TMEM117: variants seen among roughly 807,000 people sequenced by gnomAD.
The protein encoded by TMEM117 is transmembrane protein 117.
In TMEM117, 27 loss-of-function variants were observed where a neutral mutation model predicts 52.4. The ratio of observed to expected loss-of-function variants is 0.51; its 90% CI spans 0.38 to 0.71. The LOEUF (loss-of-function observed/expected upper bound fraction) is 0.71, where lower values mean the gene tolerates loss of function less well. TMEM117 is among the 30% of genes least tolerant of loss of function. TMEM117 has a pLI of 0.00. For missense variants in TMEM117, 556 were observed against 630.5 expected (o/e 0.88, Z 1.26); for synonymous variants, 215 against 206.3 (o/e 1.04, Z -0.36).
At chr12:43,942,901 G>A (rs1945067102) in intron 2 of TMEM117, among the ~76,000 whole-genome samples, 1 of 151,986 alleles carries the variant, frequency 6.6e-6, no homozygotes, top group African/African-American at 2.4e-5. Flanking sequence ...ATTTTAGGAT[G>A]GGCGTGGTGG....
chr12:44,385,944 G>C (rs1952082259), intron 7 of TMEM117, among the ~76,000 whole-genome samples: 1 of 151,558 alleles, frequency 6.6e-6, no homozygotes, highest in Non-Finnish European at 1.5e-5. Context: ...TATATATGCT[G>C]TTCTATCTAC....
At chr12:44,376,784 G>T in intron 7 of TMEM117, 60 bp downstream of exon 7, 1 of 1,509,932 alleles carries the variant, frequency 6.6e-7, no homozygotes, top group Non-Finnish European at 8.9e-7. Context: ...GGTAATGCTA[G>T]TTGCTGTAAA....
At chr12:44,343,209 T>C (rs549588547) in intron 6 of TMEM117, among the ~76,000 whole-genome samples, 5 of 152,140 alleles carry the variant, frequency 3.3e-5, no homozygotes, top group African/African-American at 1.2e-4. Context: ...CACCTTGGCC[T>C]CCCAAAGTGC....
chr12:43,963,676 G>A (rs1196006562), intron 3 of TMEM117, among the ~76,000 whole-genome samples: 4 of 152,174 alleles, frequency 2.6e-5, no homozygotes, highest in Non-Finnish European at 5.9e-5. Flanking sequence ...GCTTACAAAG[G>A]CAAGGTAAGA....
chr12:43,857,685 G>A (rs1284392132), intron 2 of TMEM117, among the ~76,000 whole-genome samples: 1 of 152,230 alleles, frequency 6.6e-6, no homozygotes, highest in Non-Finnish European at 1.5e-5. Context: ...AGTCCTGGCT[G>A]AGTAGAGTAC....
intron 3 of TMEM117, among the ~76,000 whole-genome samples, chr12:43,956,369 G>A (rs1945305546): frequency 6.6e-6 from 1 of 152,078 alleles, no homozygotes; most frequent in African/African-American, 2.4e-5. Flanking sequence ...TATGGAATGG[G>A]AGAAAATCTT....
chr12:43,806,092 C>G, the TMEM117 span: 1 of 1,519,684 alleles, frequency 6.6e-7, no homozygotes, highest in Non-Finnish European at 8.8e-7. Flanking sequence ...CGCCGAGGCC[C>G]GGCTCGCCCC....
chr12:44,292,344 T>G (rs1950715560), intron 5 of TMEM117, among the ~76,000 whole-genome samples: 1 of 152,002 alleles, frequency 6.6e-6, no homozygotes. Flanking sequence ...GTCCCTTCTT[T>G]TTTTCTTGGT....
At chr12:44,347,232 A>C (rs1951500369) in intron 6 of TMEM117, among the ~76,000 whole-genome samples, 1 of 152,088 alleles carries the variant, frequency 6.6e-6, no homozygotes, top group African/African-American at 2.4e-5. Flanking sequence ...CACAGGTAAC[A>C]GATTCTGGAA....
In TMEM117 at chr12:44,082,210, A is replaced by G. The variant is rs74342055; in HGVS notation, c.411-61315A>G. 2.3e-3 allele frequency among the ~76,000 whole-genome samples: 357 copies of G among 152,048 alleles called. 10 individuals carry two copies. The East Asian group carries it at 0.035, about 15-fold the overall frequency. On this transcript the variant is annotated intron_variant, in intron 3 of 7. Transcript: ENST00000266534. ...CATGTTATTTATAAGCATGAAATCT[A>G]TGGGCGTGTAGAAATTTTCAGTATG...
chr12:44,379,183 GAAGA>G (rs945032119), intron 7 of TMEM117, among the ~76,000 whole-genome samples: 3 of 151,282 alleles, frequency 2.0e-5, no homozygotes, highest in African/African-American at 7.3e-5. Flanking sequence ...GGGAAGGAAG[GAAGA>G]AAGGAAGGAA....
At chr12:43,896,516 G>A (rs1043882544) in intron 2 of TMEM117, among the ~76,000 whole-genome samples, 4 of 152,174 alleles carry the variant, frequency 2.6e-5, no homozygotes, top group Admixed American at 6.5e-5. Flanking sequence ...TTGGGAAGAC[G>A]CAACATTTGA....
At chr12:44,231,121 C>T (rs1949927203) in intron 5 of TMEM117, among the ~76,000 whole-genome samples, 1 of 151,910 alleles carries the variant, frequency 6.6e-6, no homozygotes, top group Non-Finnish European at 1.5e-5. Context: ...CTTTCTTCCA[C>T]TCCAAGGACT....
the TMEM117 span, among the ~76,000 whole-genome samples, chr12:43,819,225 G>T: frequency 1.3e-5 from 2 of 152,110 alleles, no homozygotes; most frequent in Non-Finnish European, 1.5e-5. Context: ...ATTCTTACTT[G>T]CTTTCTTGCT....
chr12:44,266,514 C>A (rs1009039523), intron 5 of TMEM117, among the ~76,000 whole-genome samples: 1 of 152,156 alleles, frequency 6.6e-6, no homozygotes, highest in East Asian at 1.9e-4. Flanking sequence ...ATATATTCTG[C>A]ATATAAGGCA....
At chr12:43,985,878 A>T (rs1565781297) in intron 3 of TMEM117, among the ~76,000 whole-genome samples, 1 of 152,354 alleles carries the variant, frequency 6.6e-6, no homozygotes, top group East Asian at 1.9e-4. Context: ...TCCAGAGGAC[A>T]TACTTCAAGT....
chr12:44,115,530 A>G (rs1948126040), intron 3 of TMEM117, among the ~76,000 whole-genome samples: 1 of 149,896 alleles, frequency 6.7e-6, no homozygotes, highest in Non-Finnish European at 1.5e-5. Flanking sequence ...TAAGACTCAA[A>G]TAGTATGGGA....
intron 3 of TMEM117, among the ~76,000 whole-genome samples, chr12:43,994,502 A>G (rs755919921): frequency 6.6e-6 from 1 of 152,138 alleles, no homozygotes; most frequent in African/African-American, 2.4e-5. Flanking sequence ...AAGCTTTGTT[A>G]TTTTGGAGGA....
At chr12:43,847,162 C>T (rs1442927456) in intron 2 of TMEM117, among the ~76,000 whole-genome samples, 1 of 151,946 alleles carries the variant, frequency 6.6e-6, no homozygotes, top group East Asian at 1.9e-4. Flanking sequence ...GGAGAAGGAG[C>T]TAGATTAAAG....
Sources: allele counts gnomAD v4.1 joint callset (sites outside exome capture counted in the v4.1 genomes callset), GRCh38; gene constraint gnomAD v4.1.1; transcripts MANE v1.5; gene names NCBI Gene and HGNC (gene_info 2026-07-23, HGNC 2026-07-21).